ANKFN1: variants seen among roughly 807,000 people sequenced by gnomAD.
The protein encoded by ANKFN1 is ankyrin repeat and fibronectin type-III domain-containing protein 1.
In ANKFN1, 74 loss-of-function variants were observed where a neutral mutation model predicts 108.7. The ratio of observed to expected loss-of-function variants is 0.68; its 90% CI spans 0.56 to 0.83. The LOEUF (loss-of-function observed/expected upper bound fraction) is 0.83. Among genes scored for constraint, ANKFN1 ranks in the 40% least tolerant of loss-of-function variants. ANKFN1 has a pLI of 0.00. For missense variants in ANKFN1, 1,505 were observed against 1,382.3 expected (o/e 1.09, Z -1.41); for synonymous variants, 547 against 516.2 (o/e 1.06, Z -0.81).
At chr17:56,047,131 A>T (rs1036453047) in intron 4 of ANKFN1, among the ~76,000 whole-genome samples, 1 of 152,152 alleles carries the variant, frequency 6.6e-6, no homozygotes, top group Non-Finnish European at 1.5e-5. Flanking sequence ...AGTGCTGTAT[A>T]CCTTTGGGTA....
intron 3 of ANKFN1, among the ~76,000 whole-genome samples, chr17:56,321,099 T>C (rs1350685900): frequency 6.7e-6 from 1 of 149,632 alleles, no homozygotes; most frequent in Non-Finnish European, 1.5e-5. Context: ...TTGGATTGAA[T>C]AGCCAATGCA....
intron 1 of ANKFN1, chr17:56,195,235 C>T (rs1216076265): frequency 2.0e-5 from 3 of 152,188 alleles, no homozygotes; most frequent in Non-Finnish European, 4.4e-5. Context: ...ACTTTGCACA[C>T]AATACAAATA....
intron 8 of ANKFN1, among the ~76,000 whole-genome samples, chr17:56,395,008 G>T (rs900058151): frequency 1.3e-5 from 2 of 152,186 alleles, no homozygotes; most frequent in South Asian, 2.1e-4. Context: ...AAGCTGAAGG[G>T]CCTCTCCAGT....
chr17:56,167,717 A>G (rs1027754203), intron 1 of ANKFN1, among the ~76,000 whole-genome samples: 3 of 152,186 alleles, frequency 2.0e-5, no homozygotes, highest in African/African-American at 7.2e-5. Context: ...TGCACCATGT[A>G]GTCACTCAGG....
At chr17:56,482,285 A>T (rs1168674717) in intron 17 of ANKFN1, 71 bp from the exon 18 acceptor site, 3 of 1,340,502 alleles carry the variant, frequency 2.2e-6, no homozygotes, top group Non-Finnish European at 3.0e-6. Flanking sequence ...GTTTTATGCC[A>T]GTTTGGTGTT....
rs1020233091 is a variant in ANKFN1 at position 56,490,635 on chromosome 17, T to C, written c.2261-1552T>C. On this transcript the variant is annotated intron_variant, in intron 18 of 20. Coordinates refer to ENST00000682825, the MANE Select transcript of ANKFN1 (RefSeq NM_001370326.1). The stretch of plus-strand genomic sequence containing the variant: ...GCAGGGAAATAGTATGAGAATTCGA[T>C]CATTTGGGAGAAGCTCCATAGCTTG... 2.0e-5 allele frequency among the ~76,000 whole-genome samples: 3 copies of C among 152,096 alleles called. No homozygotes were observed. The East Asian group carries it at 5.8e-4, about 29-fold the overall frequency.
At chr17:56,135,113 A>G (rs1907521303) in intron 4 of ANKFN1, among the ~76,000 whole-genome samples, 1 of 152,218 alleles carries the variant, frequency 6.6e-6, no homozygotes, top group Admixed American at 6.5e-5. Context: ...TGGCCTGCTC[A>G]ATCTCATATA....
intron 4 of ANKFN1, among the ~76,000 whole-genome samples, chr17:56,112,688 C>A (rs1906033966): frequency 6.6e-6 from 1 of 152,144 alleles, no homozygotes; most frequent in Admixed American, 6.5e-5. Flanking sequence ...ATATTTTGGT[C>A]TGCAACAAGC....
intron 1 of ANKFN1, among the ~76,000 whole-genome samples, chr17:56,167,264 T>G: frequency 1.6e-5 from 1 of 60,718 alleles, no homozygotes; most frequent in Non-Finnish European, 3.4e-5. Flanking sequence ...TGTGTGTGTA[T>G]ATATATATAC....
At chr17:56,215,920 A>G (rs148373467) in intron 2 of ANKFN1, 1 of 152,436 alleles carries the variant, frequency 6.6e-6, no homozygotes, top group African/African-American at 2.4e-5. Flanking sequence ...ACCTCACTGC[A>G]CTCTATTGAA....
intron 4 of ANKFN1, among the ~76,000 whole-genome samples, chr17:56,072,570 G>A (rs1331108169): frequency 6.6e-6 from 1 of 152,058 alleles, no homozygotes; most frequent in Non-Finnish European, 1.5e-5. Context: ...GCATAAATTC[G>A]TTTTGTCTGT....
intron 4 of ANKFN1, among the ~76,000 whole-genome samples, chr17:56,052,485 A>G (rs76905694): frequency 0.033 from 4,959 of 152,326 alleles, 259 homozygotes; most frequent in African/African-American, 0.11. Context: ...AGGCTTTTAA[A>G]TGGTAGTATT....
intron 3 of ANKFN1, among the ~76,000 whole-genome samples, chr17:56,264,822 T>C (rs1017950619): frequency 2.0e-5 from 3 of 152,218 alleles, no homozygotes; most frequent in African/African-American, 7.2e-5. Context: ...CCATGATTCG[T>C]AGTCCATCTT....
chr17:56,326,259 G>A lies in ANKFN1; in HGVS notation c.92G>A (p.Ser31Asn), dbSNP rs758080488. The A allele has an allele frequency of 4.3e-6, 7 of 1,613,922 alleles. No individual in the cohort carries two copies. The East Asian group carries it at 1.1e-4, about 26-fold the overall frequency. The change falls in exon 4 of 21, where the codon AGC becomes AAC. Residue 31 changes from serine (S) to asparagine (N), a missense_variant. Physicochemically the swap from Ser to Asn is conservative, Grantham distance 46. Transcript: ENST00000682825. The stretch of plus-strand genomic sequence containing the variant: ...TTCGCTTGCTTTGCACAGAGGCTGA[G>A]CCACAGGAGAAAGCAAAGCCAATGT... ...RRFACFAQRL[S>N]HRRKQSQCDL...
intron 1 of ANKFN1, among the ~76,000 whole-genome samples, chr17:56,199,441 C>T (rs1264011399): frequency 6.6e-6 from 1 of 152,060 alleles, no homozygotes; most frequent in African/African-American, 2.4e-5. Flanking sequence ...AAAGGTCATG[C>T]TCTTCATTTC....
intron 4 of ANKFN1, among the ~76,000 whole-genome samples, chr17:56,117,029 TCAGA>T (rs1012179764): frequency 6.6e-6 from 1 of 152,188 alleles, no homozygotes; most frequent in African/African-American, 2.4e-5. Context: ...TTTCAGCTCC[TCAGA>T]CAGGTCCATC....
chr17:56,330,212 G>C (rs2045623512), intron 4 of ANKFN1, among the ~76,000 whole-genome samples: 1 of 90,678 alleles, frequency 1.1e-5, no homozygotes. Flanking sequence ...TGGAATCACA[G>C]TTCCACATGG....
Position 56,360,638 on chromosome 17 carries a change from G to A in ANKFN1, c.601+6592G>A, listed in dbSNP as rs556263758. ...CCCAAGCCTATTTCTTTTGAGGGGT[G>A]TCAATATATTATCCCTTATGAAAAG... is the stretch of plus-strand genomic sequence containing the variant. On this transcript the variant is annotated intron_variant, in intron 6 of 20. Transcript: ENST00000682825. Among the ~76,000 whole-genome samples, 7 of 152,248 alleles carry A rather than the reference G, an allele frequency of 4.6e-5. No homozygotes were observed. The South Asian group carries it at 1.2e-3, about 27-fold the overall frequency.
chr17:56,488,437 G>A (rs550659729), intron 18 of ANKFN1, among the ~76,000 whole-genome samples: 2 of 152,332 alleles, frequency 1.3e-5, no homozygotes, highest in East Asian at 3.9e-4. Context: ...ATGGGCCATA[G>A]GAAGGAGGAA....
Sources: allele counts gnomAD v4.1 joint callset (sites outside exome capture counted in the v4.1 genomes callset), GRCh38; gene constraint gnomAD v4.1.1; transcripts MANE v1.5; gene names NCBI Gene and HGNC (gene_info 2026-07-23, HGNC 2026-07-21).